Variants in CNTLN observed in about 807,000 individuals in gnomAD.
The protein encoded by CNTLN is centlein, centrosomal protein.
Under a neutral mutation model 180.0 loss-of-function variants are expected in CNTLN, and 212 were observed. That is an observed-to-expected ratio of 1.18 (90% CI 1.05 to 1.32). The LOEUF (loss-of-function observed/expected upper bound fraction) is 1.32, where lower values mean the gene tolerates loss of function less well. Ranked by LOEUF, CNTLN falls within the 40% of genes most tolerant of loss-of-function variation. The probability of loss-of-function intolerance (pLI) is 0.00; values close to 1 mark genes in which losing one functional copy is unlikely to be tolerated. For synonymous variants in CNTLN, 722 were observed against 563.1 expected (o/e 1.28, Z -3.99); for missense variants, 2,095 against 1,610.9 (o/e 1.30, Z -5.14).
At chr9:17,365,804 G>A (rs1331005963) in intron 12 of CNTLN, among the ~76,000 whole-genome samples, 1 of 151,942 alleles carries the variant, frequency 6.6e-6, no homozygotes, top group Non-Finnish European at 1.5e-5. Flanking sequence ...AAATTAGCTG[G>A]GCATGGTGGC....
chr9:17,417,535 A>G (rs1339581396), intron 18 of CNTLN, among the ~76,000 whole-genome samples: 1 of 152,082 alleles, frequency 6.6e-6, no homozygotes, highest in African/African-American at 2.4e-5. Context: ...TCTCTTAAAT[A>G]ATTTACTAGA....
intron 18 of CNTLN, among the ~76,000 whole-genome samples, chr9:17,446,900 G>A (rs1052959134): frequency 2.7e-4 from 41 of 152,198 alleles, no homozygotes; most frequent in African/African-American, 9.9e-4. Flanking sequence ...AATCAGAGAT[G>A]AATCAGCAGT....
intron 18 of CNTLN, among the ~76,000 whole-genome samples, chr9:17,453,003 A>T (rs936371153): frequency 6.6e-6 from 1 of 152,136 alleles, no homozygotes; most frequent in African/African-American, 2.4e-5. Flanking sequence ...ATTGAAAAAG[A>T]ACAAAAAAAA....
chr9:17,156,758 T>G (rs1259312679), intron 2 of CNTLN, among the ~76,000 whole-genome samples: 3 of 152,208 alleles, frequency 2.0e-5, no homozygotes, highest in Non-Finnish European at 4.4e-5. Context: ...AAGCAAATAT[T>G]ACAATAAAGC....
At chr9:17,271,844 T>C (rs1426874446) in intron 5 of CNTLN, among the ~76,000 whole-genome samples, 2 of 152,222 alleles carry the variant, frequency 1.3e-5, no homozygotes, top group African/African-American at 4.8e-5. Flanking sequence ...TCAATAATTT[T>C]TGATTTGGTT....
chr9:17,472,166 C>T (rs1458059939), intron 23 of CNTLN, among the ~76,000 whole-genome samples: 1 of 152,058 alleles, frequency 6.6e-6, no homozygotes, highest in East Asian at 1.9e-4. Context: ...TTATGTAGGC[C>T]ACCTAGTATT....
At chr9:17,392,171 G>A (rs1826166212) in intron 14 of CNTLN, among the ~76,000 whole-genome samples, 1 of 152,172 alleles carries the variant, frequency 6.6e-6, no homozygotes, top group Admixed American at 6.5e-5. Flanking sequence ...GGAGGCTAAG[G>A]TGGGAGGATC....
At chr9:17,328,509 A>C (rs1820446429) in intron 8 of CNTLN, among the ~76,000 whole-genome samples, 1 of 152,190 alleles carries the variant, frequency 6.6e-6, no homozygotes, top group African/African-American at 2.4e-5. Flanking sequence ...CTGAGTGTTG[A>C]CACTTCATTT....
chr9:17,298,378 T>C, intron 7 of CNTLN, 26 bp downstream of exon 7: 2 of 1,568,698 alleles, frequency 1.3e-6, no homozygotes, highest in East Asian at 2.3e-5. Flanking sequence ...GTAATAAAGA[T>C]GTAAATGTTT....
chr9:17,373,047 A>C (rs1363321695), intron 13 of CNTLN, among the ~76,000 whole-genome samples: 1 of 152,166 alleles, frequency 6.6e-6, no homozygotes, highest in African/African-American at 2.4e-5. Context: ...GAAAAACTGA[A>C]AGCTTTTCCT....
intron 13 of CNTLN, among the ~76,000 whole-genome samples, chr9:17,370,206 A>T (rs1440868129): frequency 6.6e-6 from 1 of 152,182 alleles, no homozygotes; most frequent in Non-Finnish European, 1.5e-5. Context: ...ACTATGAGAA[A>T]GTTGTAGAAC....
intron 2 of CNTLN, among the ~76,000 whole-genome samples, chr9:17,182,791 A>C (rs762990996): frequency 2.6e-5 from 4 of 152,210 alleles, no homozygotes; most frequent in Non-Finnish European, 5.9e-5. Flanking sequence ...TTAAAACAGC[A>C]TTCCAGATAG....
At chr9:17,448,940 A>G (rs1830613094) in intron 18 of CNTLN, among the ~76,000 whole-genome samples, 2 of 152,180 alleles carry the variant, frequency 1.3e-5, no homozygotes, top group African/African-American at 2.4e-5. Flanking sequence ...TCCGAAAGAC[A>G]TTGCACAGTT....
chr9:17,370,264 A>T (rs1824199849), intron 13 of CNTLN, among the ~76,000 whole-genome samples: 1 of 152,138 alleles, frequency 6.6e-6, no homozygotes, highest in Non-Finnish European at 1.5e-5. Context: ...CATTTAACAA[A>T]CTCCCAAGGG....
intron 2 of CNTLN, among the ~76,000 whole-genome samples, chr9:17,218,728 C>A (rs943226775): frequency 2.0e-5 from 3 of 152,046 alleles, no homozygotes; most frequent in African/African-American, 4.8e-5. Context: ...GTCTGTAAAT[C>A]AAAAATAACC....
intron 5 of CNTLN, among the ~76,000 whole-genome samples, chr9:17,237,459 CAGTGGATCA>C (rs1825225342): frequency 1.4e-5 from 2 of 143,410 alleles, no homozygotes; most frequent in Non-Finnish European, 3.0e-5. Flanking sequence ...GGTTCTGTAT[CAGTGGATCA>C]AGCTATTCAG....
chr9:17,525,558 C>T, the CNTLN span, among the ~76,000 whole-genome samples: 2 of 151,970 alleles, frequency 1.3e-5, no homozygotes, highest in African/African-American at 4.8e-5. Flanking sequence ...CATTGGTTTG[C>T]GAGTTAAATG....
chr9:17,445,644 A>G (rs1224546519), intron 18 of CNTLN, among the ~76,000 whole-genome samples: 2 of 152,204 alleles, frequency 1.3e-5, no homozygotes, highest in Non-Finnish European at 2.9e-5. Context: ...ACCCAGGGAC[A>G]CAAAAACTGC....
At chr9:17,294,559 C>T (rs970247783) in intron 6 of CNTLN, among the ~76,000 whole-genome samples, 24 of 150,644 alleles carry the variant, frequency 1.6e-4, no homozygotes, top group Non-Finnish European at 1.6e-4. Flanking sequence ...TTTACAATCC[C>T]TTAGCTAGAC....
Sources: gnomAD v4.1 joint callset for allele counts (sites outside exome capture counted in the v4.1 genomes callset) on GRCh38, gnomAD v4.1.1 for gene constraint, MANE v1.5 for transcripts, NCBI Gene and HGNC (gene_info 2026-07-23, HGNC 2026-07-21) for gene names.